Variants in CNTN6 observed in about 807,000 individuals in gnomAD.
CNTN6 encodes contactin 6.
CNTN6 carries 137 observed loss-of-function variants against 122.8 expected under a neutral mutation model. The observed-to-expected ratio is 1.12, with a 90% CI of 0.97 to 1.29. The LOEUF (loss-of-function observed/expected upper bound fraction) is 1.29. CNTN6 is among the 50% of genes most tolerant of loss of function. The pLI, the probability that CNTN6 is intolerant of heterozygous loss-of-function variation, is 0.00. For synonymous variants in CNTN6, 570 were observed against 426.0 expected, an observed-to-expected ratio of 1.34 and a Z score of -4.16; for missense variants, 1,634 against 1,223.4, an observed-to-expected ratio of 1.34 and a Z score of -5.01.
At chr3:1,352,189 A>T in intron 11 of CNTN6, 135 bp from the exon 12 acceptor site, 3 of 692,732 alleles carry the variant, frequency 4.3e-6, no homozygotes, top group Non-Finnish European at 6.6e-6. Flanking sequence ...TGAAGAACAG[A>T]ATAATAGGAA....
chr3:1,378,466 A>G (rs1344096681), intron 17 of CNTN6, among the ~76,000 whole-genome samples: 1 of 152,022 alleles, frequency 6.6e-6, no homozygotes, highest in African/African-American at 2.4e-5. Context: ...CCTGAAAGTC[A>G]CCCTTTCCTC....
intron 4 of CNTN6, among the ~76,000 whole-genome samples, chr3:1,247,297 C>G (rs1050606489): frequency 2.0e-5 from 3 of 152,114 alleles, no homozygotes; most frequent in Non-Finnish European, 4.4e-5. Context: ...AGTGCCATTC[C>G]TAAAGGGAAT....
chr3:1,158,969 C>CACACACACATATATAT (rs1553610778), intron 2 of CNTN6, among the ~76,000 whole-genome samples: 1 of 112,984 alleles, frequency 8.9e-6, no homozygotes, highest in African/African-American at 3.8e-5. Context: ...CACACACACA[C>CACACACACATATATAT]ATATATATAT....
intron 2 of CNTN6, among the ~76,000 whole-genome samples, chr3:1,177,200 T>C (rs561686424): frequency 6.6e-6 from 1 of 152,304 alleles, no homozygotes; most frequent in East Asian, 1.9e-4. Flanking sequence ...AGAGATTGCA[T>C]AGTAAACACA....
At chr3:1,173,818 C>G (rs898825389) in intron 2 of CNTN6, among the ~76,000 whole-genome samples, 2 of 151,270 alleles carry the variant, frequency 1.3e-5, no homozygotes, top group Non-Finnish European at 2.9e-5. Context: ...GACGAGAATT[C>G]TGATCTCAGA....
Position 1,380,639 on chromosome 3 carries a change from G to T in CNTN6, c.2167-2303G>T, listed in dbSNP as rs182638308. ...CCAGACAGTAAAAATATTCAGTCTCGTGGGCCACATGACCTCTTTTCTAAT... is the reference window on the plus strand; with the variant it reads ...CCAGACAGTAAAAATATTCAGTCTCTTGGGCCACATGACCTCTTTTCTAAT... On this transcript the variant is annotated intron_variant, in intron 17 of 22. Transcript: ENST00000446702. 4.7e-3 allele frequency among the ~76,000 whole-genome samples: 712 copies of T among 152,226 alleles called. 4 individuals carry two copies. The highest frequency in any genetic ancestry group is 7.9e-3 in the Non-Finnish European group (540 of 68,018).
chr3:1,096,024 A>G (rs758593977), intron 1 of CNTN6, among the ~76,000 whole-genome samples: 1 of 152,298 alleles, frequency 6.6e-6, no homozygotes. Context: ...TATATTTTCT[A>G]TGAGTTTGCA....
At chr3:1,223,312 C>G (rs551851410) in intron 3 of CNTN6, among the ~76,000 whole-genome samples, 1 of 152,280 alleles carries the variant, frequency 6.6e-6, no homozygotes, top group South Asian at 2.1e-4. Context: ...CGTCATCTTC[C>G]TTATTCATAA....
rs192971369 is a variant in CNTN6, at chr3:1,099,413, T to C, written c.-83+6293T>C. On this transcript the variant is annotated intron_variant, in intron 1 of 22. Transcript: ENST00000446702. ...TTGCAGTGAGCCGAGATTGAGCCAT[T>C]ACACTCCAGCCTGGGTGACAGAGCC... Among the ~76,000 whole-genome samples the C allele has an allele frequency of 2.8e-3, 429 of 152,262 alleles. 1 individual carries two copies. Among genetic ancestry groups the C allele is most frequent in the African/African-American group, 4.2e-3 (176 of 41,554 alleles).
At chr3:1,118,997 C>A (rs2091842127) in intron 1 of CNTN6, among the ~76,000 whole-genome samples, 1 of 152,030 alleles carries the variant, frequency 6.6e-6, no homozygotes, top group Admixed American at 6.6e-5. Context: ...TGGGACCATA[C>A]ATAAAGGGCT....
chr3:1,317,512 G>T (rs1301862959), intron 7 of CNTN6, among the ~76,000 whole-genome samples: 3 of 151,824 alleles, frequency 2.0e-5, no homozygotes, highest in South Asian at 2.1e-4. Context: ...CATCAAGCAT[G>T]CCTTGAGTTA....
chr3:1,400,907 C>A (rs185508131), intron 20 of CNTN6, among the ~76,000 whole-genome samples: 2 of 152,100 alleles, frequency 1.3e-5, no homozygotes, highest in Admixed American at 1.3e-4. Context: ...CTGCAATCTG[C>A]CATGACTTAT....
intron 10 of CNTN6, among the ~76,000 whole-genome samples, chr3:1,327,858 T>G (rs1024818369): frequency 6.6e-5 from 10 of 151,848 alleles, no homozygotes; most frequent in Non-Finnish European, 1.2e-4. Flanking sequence ...TTTTTGAGTA[T>G]AACTCAAAGA....
chr3:1,165,168 A>G (rs945567989), intron 2 of CNTN6, among the ~76,000 whole-genome samples: 1 of 152,172 alleles, frequency 6.6e-6, no homozygotes, highest in Non-Finnish European at 1.5e-5. Flanking sequence ...GAGGAACCAG[A>G]AACCAACCAA....
chr3:1,201,099 TTGTGTGTGTGTGTGTGTGTG>T (rs57028088), intron 2 of CNTN6, among the ~76,000 whole-genome samples: 15 of 130,020 alleles, frequency 1.2e-4, no homozygotes, highest in Admixed American at 3.1e-4. Context: ...AGCTAACATT[TTGTGTGTGTGTGTGTGTGTG>T]TGTGTGTGTG....
chr3:1,134,266 A>G (rs7620637), intron 1 of CNTN6, among the ~76,000 whole-genome samples: 96,499 of 151,890 alleles, frequency 0.64, 30,964 homozygotes, highest in African/African-American at 0.7. Flanking sequence ...TCCCATCTCA[A>G]TTTGGAAATC....
At chr3:1,253,443 T>A (rs1370134670) in intron 4 of CNTN6, among the ~76,000 whole-genome samples, 1 of 152,212 alleles carries the variant, frequency 6.6e-6, no homozygotes, top group African/African-American at 2.4e-5. Context: ...ATGTAATAGC[T>A]GCATACAGGG....
At chr3:1,391,849 G>A (rs1694201357) in intron 20 of CNTN6, among the ~76,000 whole-genome samples, 1 of 151,896 alleles carries the variant, frequency 6.6e-6, no homozygotes, top group African/African-American at 2.4e-5. Flanking sequence ...AACTTACAAG[G>A]GATGTGAAGG....
chr3:1,303,187 T>C (rs1016002211), intron 7 of CNTN6, among the ~76,000 whole-genome samples: 1 of 146,954 alleles, frequency 6.8e-6, no homozygotes, highest in African/African-American at 2.5e-5. Context: ...GCACTTAATA[T>C]ATTAATTATA....
Sources: gnomAD v4.1 joint callset for allele counts (sites outside exome capture counted in the v4.1 genomes callset) on GRCh38, gnomAD v4.1.1 for gene constraint, MANE v1.5 for transcripts, NCBI Gene and HGNC (gene_info 2026-07-23, HGNC 2026-07-21) for gene names.